The following E2F4 variants were observed in gnomAD, a reference collection of about 807,000 sequenced individuals.
E2F4 encodes the protein E2F transcription factor 4, also known as transcription factor E2F4.
In E2F4, 16 loss-of-function variants were observed where a neutral mutation model predicts 44.5. The observed-to-expected ratio is 0.36, with a 90% CI of 0.24 to 0.55. The LOEUF (loss-of-function observed/expected upper bound fraction) is 0.55, where lower values mean the gene tolerates loss of function less well. E2F4 is among the 20% of genes least tolerant of loss of function. The probability of loss-of-function intolerance (pLI) is 0.87; values close to 1 mark genes in which losing one functional copy is unlikely to be tolerated. For missense variants in E2F4, 473 were observed against 522.1 expected, an observed-to-expected ratio of 0.91 and a Z score of 0.92; for synonymous variants, 242 against 207.2, an observed-to-expected ratio of 1.17 and a Z score of -1.44.
In E2F4 at chr16:67,192,224, C is replaced by T; in HGVS notation, c.-4C>T. ...TGGCTGAGGGGAGGCGGCGGGCGGG[C>T]GCGATGGCGGAGGCCGGGCCACAGG... is the stretch of plus-strand genomic sequence containing the variant. On this transcript the variant is annotated 5_prime_UTR_variant, in exon 1 of 10. Coordinates refer to ENST00000379378, the MANE Select transcript of E2F4 (RefSeq NM_001950.4). 3 of 1,213,588 alleles carry T rather than the reference C, an allele frequency of 2.5e-6. No individual in the cohort carries two copies. Among genetic ancestry groups the T allele is most frequent in the East Asian group, 7.0e-5 (2 of 28,734 alleles). 75.2% of individuals were successfully genotyped at this position (1,213,588 alleles called of 1,614,324 possible). A position where few individuals can be genotyped will look rare whatever the true frequency, so the allele number is the denominator to read the frequency against.
At position 67,198,742 on chromosome 16, in the gene E2F4, CCT is replaced by C. The variant is rs895695519; in HGVS notation, c.*624_*625del. The C allele has an allele frequency of 2.1e-5, 4 of 194,562 alleles. No individual in the cohort carries two copies. Among genetic ancestry groups the C allele is most frequent in the African/African-American group, 4.7e-5 (2 of 42,170 alleles). The allele number at this position is 194,562 out of a possible 1,614,324, so 12.1% of individuals were successfully genotyped here. A position where few individuals can be genotyped will look rare whatever the true frequency, so the allele number is the denominator to read the frequency against. ...GCCCCACCTCCTGCTGCCCCATAAC[CCT>C]CTCTTCATTTCGGCTTTTTCATTTA... On this transcript the variant is annotated 3_prime_UTR_variant, in exon 10 of 10. Coordinates refer to ENST00000379378, the MANE Select transcript of E2F4 (RefSeq NM_001950.4).
At chr16:67,195,396 T>A (rs2032951184) in intron 6 of E2F4, among the ~76,000 whole-genome samples, 2 of 152,168 alleles carry the variant, frequency 1.3e-5, no homozygotes, top group African/African-American at 4.8e-5. Flanking sequence ...CCTCCTGTAG[T>A]GCTGGGATTA....
rs924240272 is a variant in E2F4 at position 67,194,296 on chromosome 16, C to T, written c.452-102C>T. ...ATGGGTGAGGCCCACTGTCTAGTTC[C>T]TCAGGGACCGTGATCTCCTGCCTTG... On this transcript the variant is annotated intron_variant, in intron 4 of 9. Coordinates refer to ENST00000379378, the MANE Select transcript of E2F4 (RefSeq NM_001950.4). 3.8e-6 allele frequency: 5 copies of T among 1,321,850 alleles called. No individual in the cohort carries two copies. The Admixed American group carries it at 9.5e-5, about 25-fold the overall frequency. 81.9% of individuals were successfully genotyped at this position (1,321,850 alleles called of 1,614,324 possible).
At position 67,194,734 on chromosome 16, in the gene E2F4, G is replaced by A. The variant is rs749094733; in HGVS notation, c.562G>A (p.Gly188Ser). 1 of 1,614,178 alleles carries A rather than the reference G, an allele frequency of 6.2e-7. No individual in the cohort carries two copies. Among genetic ancestry groups the A allele is most frequent in the Non-Finnish European group, 8.5e-7 (1 of 1,180,024 alleles). Reference sequence around the variant, plus strand: ...CCAGATTCACCTGAAGAGTGTGAGTGGTCCCATTGAGGTTCTGCTGGTGAA... The same window carrying A: ...CCAGATTCACCTGAAGAGTGTGAGTAGTCCCATTGAGGTTCTGCTGGTGAA... Reference protein sequence around the residue: ...KYQIHLKSVSGPIEVLLVNKE... With the variant: ...KYQIHLKSVSSPIEVLLVNKE... The change falls in exon 6 of 10, where the codon GGT becomes AGT. Residue 188 changes from glycine to serine, a missense_variant. By Grantham distance (56) the Gly-to-Ser change is moderately conservative. Coordinates refer to ENST00000379378, the MANE Select transcript of E2F4 (RefSeq NM_001950.4).
chr16:67,198,876 A>G lies in E2F4; in HGVS notation c.*753A>G. 1 of 474,034 alleles carries G rather than the reference A, an allele frequency of 2.1e-6. No individual in the cohort carries two copies. The highest frequency in any genetic ancestry group is 3.7e-6 in the Non-Finnish European group (1 of 266,868). The allele number at this position is 474,034 out of a possible 1,614,324, so 29.4% of individuals were successfully genotyped here. ...TTTTGCAGCAAAAGGAAATTGTAATATTTGTACAGTGTTCAAGTGAATAAA... is the reference window on the plus strand; with the variant it reads ...TTTTGCAGCAAAAGGAAATTGTAATGTTTGTACAGTGTTCAAGTGAATAAA... On this transcript the variant is annotated 3_prime_UTR_variant, in exon 10 of 10. Transcript: ENST00000379378.
intron 7 of E2F4, among the ~76,000 whole-genome samples, chr16:67,196,956 T>G (rs1466929986): frequency 2.6e-5 from 4 of 152,176 alleles, no homozygotes; most frequent in African/African-American, 9.7e-5. Context: ...GCCACCTCTG[T>G]CCTGGATTCT....
In E2F4 at chr16:67,198,885, G is replaced by A. The variant is rs2033022900; in HGVS notation, c.*762G>A. On this transcript the variant is annotated 3_prime_UTR_variant, in exon 10 of 10. Coordinates refer to ENST00000379378, the MANE Select transcript of E2F4 (RefSeq NM_001950.4). ...AAAAGGAAATTGTAATATTTGTACAGTGTTCAAGTGAATAAAAACCATGCC... is the reference window on the plus strand; with the variant it reads ...AAAAGGAAATTGTAATATTTGTACAATGTTCAAGTGAATAAAAACCATGCC... 4 of 522,290 alleles carry A rather than the reference G, an allele frequency of 7.7e-6. No individual in the cohort carries two copies. Among genetic ancestry groups the A allele is most frequent in the African/African-American group, 1.9e-5 (1 of 52,266 alleles). The allele number at this position is 522,290 out of a possible 1,614,324, so 32.4% of individuals were successfully genotyped here.
rs376362007 is a variant in E2F4 at position 67,192,281 on chromosome 16, C to T, written c.54C>T (p.His18=). The change falls in exon 1 of 10, where the codon CAC becomes CAT. Residue 18 remains histidine (H), a synonymous_variant. Coordinates refer to ENST00000379378, the MANE Select transcript of E2F4 (RefSeq NM_001950.4). ...CGCCCCCGGGCACTCCAAGCCGGCA[C>T]GAAAAGAGCCTGGGACTGCTCACCA... ...APPPPGTPSR[H]EKSLGLLTTK... 3.0e-6 allele frequency: 4 copies of T among 1,336,502 alleles called. No homozygotes were observed. The highest frequency in any genetic ancestry group is 2.3e-5 in the South Asian group (1 of 43,704). 82.8% of individuals were successfully genotyped at this position (1,336,502 alleles called of 1,614,324 possible). A position where few individuals can be genotyped will look rare whatever the true frequency, so the allele number is the denominator to read the frequency against.
chr16:67,193,200 A>T (rs1054161103), intron 3 of E2F4, 30 bp downstream of exon 3: 2 of 1,551,418 alleles, frequency 1.3e-6, no homozygotes, highest in African/African-American at 2.7e-5. Context: ...TGCTGGGGGG[A>T]GTGGGCAAGG....
chr16:67,198,330 C>T lies in E2F4; in HGVS notation c.*207C>T. The T allele has an allele frequency of 1.7e-6, 1 of 577,348 alleles. No homozygotes were observed. The highest frequency in any genetic ancestry group is 3.1e-6 in the Non-Finnish European group (1 of 322,430). The allele number at this position is 577,348 out of a possible 1,614,324, so 35.8% of individuals were successfully genotyped here. On this transcript the variant is annotated 3_prime_UTR_variant, in exon 10 of 10. Coordinates refer to ENST00000379378, the MANE Select transcript of E2F4 (RefSeq NM_001950.4). ...CAGAGCAGGGGAACAGGACTCAGCC[C>T]CCATCACCGTGGAGCCAAAGTGTTT...
At chr16:67,192,402 A>T in intron 1 of E2F4, 40 bp downstream of exon 1, 1 of 1,406,200 alleles carries the variant, frequency 7.1e-7, no homozygotes, top group Non-Finnish European at 9.3e-7. Flanking sequence ...AGGCTGGTGG[A>T]CCAGGCCTGG....
intron 4 of E2F4, chr16:67,194,069 T>G (rs1294772793): frequency 3.1e-6 from 1 of 326,268 alleles, no homozygotes; most frequent in Non-Finnish European, 5.7e-6. Flanking sequence ...CTTCTCCATC[T>G]TGTATGCTCC....
Position 67,197,614 on chromosome 16 carries a change from A to C in E2F4, c.1049A>C (p.Lys350Thr), listed in dbSNP as rs372301833. Reference sequence around the variant, plus strand: ...TGTTTTTCAGTTTTGGAACTCCCCAAAGAGCTGTCAGAAATCTTTGATCCC... The same window carrying C: ...TGTTTTTCAGTTTTGGAACTCCCCACAGAGCTGTCAGAAATCTTTGATCCC... ...ADPTGVLELPKELSEIFDPTR... is the reference protein window; with the variant it reads ...ADPTGVLELPTELSEIFDPTR... The change falls in exon 8 of 10, where the codon AAA becomes ACA. Residue 350 changes from lysine to threonine, a missense_variant. Lys to Thr is a moderately conservative substitution (Grantham distance 78). This residue lies in a region of E2F4 where 314 missense variants were observed against 315.6 expected (regional missense o/e 0.99). Coordinates refer to ENST00000379378, the MANE Select transcript of E2F4 (RefSeq NM_001950.4). 2 of 1,614,044 alleles carry C rather than the reference A, an allele frequency of 1.2e-6. No individual in the cohort carries two copies. The highest frequency in any genetic ancestry group is 2.7e-5 in the African/African-American group (2 of 74,908).
chr16:67,192,522 G>T, intron 1 of E2F4, 160 bp downstream of exon 1: 1 of 1,146,856 alleles, frequency 8.7e-7, no homozygotes, highest in African/African-American at 1.6e-5. Context: ...TCATTCGGCC[G>T]AGGCCATCGA....
Position 67,192,274 on chromosome 16 carries a change from G to A in E2F4, c.47G>A (p.Ser16Asn). The A allele has an allele frequency of 7.5e-7, 1 of 1,329,402 alleles. No homozygotes were observed. The highest frequency in any genetic ancestry group is 9.7e-7 in the Non-Finnish European group (1 of 1,035,754). The allele number at this position is 1,329,402 out of a possible 1,614,324, so 82.4% of individuals were successfully genotyped here. The change falls in exon 1 of 10, where the codon AGC (serine) becomes AAC (asparagine). Residue 16 changes from serine to asparagine, a missense_variant. Coordinates refer to ENST00000379378, the MANE Select transcript of E2F4 (RefSeq NM_001950.4). Reference sequence around the variant, plus strand: ...GCGCCGCCGCCCCCGGGCACTCCAAGCCGGCACGAAAAGAGCCTGGGACTG... The same window carrying A: ...GCGCCGCCGCCCCCGGGCACTCCAAACCGGCACGAAAAGAGCCTGGGACTG... ...PQAPPPPGTP[S>N]RHEKSLGLLT...
intron 6 of E2F4, among the ~76,000 whole-genome samples, 175 bp downstream of exon 6, chr16:67,195,155 C>T (rs1456910871): frequency 2.6e-5 from 4 of 152,192 alleles, no homozygotes; most frequent in African/African-American, 9.7e-5. Flanking sequence ...GTTTTTGAGA[C>T]GGAGTCTCAC....
chr16:67,193,608 TAAG>T, intron 4 of E2F4, 93 bp downstream of exon 4: 1 of 1,406,996 alleles, frequency 7.1e-7, no homozygotes, highest in South Asian at 1.2e-5. Flanking sequence ...TTCTGTCTCT[TAAG>T]AGGGTTTCTG....
Position 67,198,764 on chromosome 16 carries a change from C to T in E2F4, c.*641C>T, listed in dbSNP as rs1171340012. The stretch of plus-strand genomic sequence containing the variant: ...AACCCTCTCTTCATTTCGGCTTTTT[C>T]ATTTACCCTCATTTAGAGCCATTTG... On this transcript the variant is annotated 3_prime_UTR_variant, in exon 10 of 10. Coordinates refer to ENST00000379378, the MANE Select transcript of E2F4 (RefSeq NM_001950.4). The T allele has an allele frequency of 1.5e-5, 3 of 201,040 alleles. No homozygotes were observed. Among genetic ancestry groups the T allele is most frequent in the South Asian group, 2.1e-4 (2 of 9,636 alleles). 12.5% of individuals were successfully genotyped at this position (201,040 alleles called of 1,614,324 possible).
intron 4 of E2F4, among the ~76,000 whole-genome samples, chr16:67,193,727 G>A (rs2032924676): frequency 6.6e-6 from 1 of 152,188 alleles, no homozygotes; most frequent in Admixed American, 6.5e-5. Context: ...TCTGGAGTGG[G>A]TCCCTGGGTC....
Sources: allele counts gnomAD v4.1 joint callset (sites outside exome capture counted in the v4.1 genomes callset), GRCh38; gene constraint gnomAD v4.1.1; regional missense constraint gnomAD v4.1.1; transcripts MANE v1.5; gene names NCBI Gene and HGNC (gene_info 2026-07-23, HGNC 2026-07-21).